The following PELP1 variants were observed in gnomAD, a reference collection of about 807,000 sequenced individuals.
The protein encoded by PELP1 is proline-, glutamic acid- and leucine-rich protein 1.
Under a neutral mutation model 95.5 loss-of-function variants are expected in PELP1, and 32 were observed. The ratio of observed to expected loss-of-function variants is 0.34; its 90% CI spans 0.25 to 0.45. The LOEUF is 0.45. PELP1 is among the 20% of genes least tolerant of loss of function. The pLI, the probability that PELP1 is intolerant of heterozygous loss-of-function variation, is 1.00. For synonymous variants in PELP1, 668 were observed against 600.1 expected, an observed-to-expected ratio of 1.11 and a Z score of -1.65; for missense variants, 1,358 against 1,444.8, an observed-to-expected ratio of 0.94 and a Z score of 0.97.
intron 3 of PELP1, among the ~76,000 whole-genome samples, chr17:4,683,420 C>CCG (rs1567664348): frequency 1.3e-5 from 2 of 151,488 alleles, no homozygotes; most frequent in African/African-American, 2.4e-5. Context: ...CGGGGTTTCA[C>CCG]TATGTTAGCC....
At chr17:4,689,649 G>A (rs1024343530) in intron 3 of PELP1, among the ~76,000 whole-genome samples, 8 of 152,140 alleles carry the variant, frequency 5.3e-5, no homozygotes, top group Non-Finnish European at 1.0e-4. Context: ...AGACCCTTGC[G>A]CACAATATTT....
In PELP1 at chr17:4,672,196, T is replaced by C. The variant is rs1912238157; in HGVS notation, c.2795A>G (p.Glu932Gly). The change falls in exon 16 of 17, where the codon GAG becomes GGG. Residue 932 changes from glutamate (E) to glycine (G), a missense_variant. Transcript: ENST00000572293. ...ACCTTCTTCTTCCTCAAATTCTTCC[T>C]CAAACTCTTCTTCCTCCTCTTCTTC... ...EEEEEEEEEF[E>G]EEFEEEEGEL... 16 of 1,552,468 alleles carry C rather than the reference T, an allele frequency of 1.0e-5. No individual in the cohort carries two copies. The East Asian group carries it at 3.9e-4, about 38-fold the overall frequency.
In PELP1 at chr17:4,703,960, G is replaced by A. The variant is rs1003871792; in HGVS notation, c.152C>T (p.Ser51Phe). Residue 51 changes from serine (S) to phenylalanine (F), a missense_variant, in exon 1 of 17, where the codon TCT (serine) becomes TTT (phenylalanine). Coordinates refer to ENST00000572293, the MANE Select transcript of PELP1 (RefSeq NM_014389.3). ...VSGLLQPRTGSAVAPVHPPNR... is the reference protein window; with the variant it reads ...VSGLLQPRTGFAVAPVHPPNR... The stretch of plus-strand genomic sequence containing the variant: ...TGGGGGATGCACCGGAGCAACGGCA[G>A]ACCCCGTTCGAGGTTGCAGCAAACC... 1.9e-6 allele frequency: 3 copies of A among 1,613,632 alleles called. No individual in the cohort carries two copies. Among genetic ancestry groups the A allele is most frequent in the East Asian group, 2.2e-5 (1 of 44,876 alleles).
chr17:4,698,639 C>CAAAAA lies in PELP1; in HGVS notation c.249+5219_249+5223dup, dbSNP rs145606629. Among the ~76,000 whole-genome samples the CAAAAA allele has an allele frequency of 8.8e-4, 97 of 110,076 alleles. 3 individuals are homozygous for CAAAAA. The highest frequency in any genetic ancestry group is 3.1e-3 in the African/African-American group (85 of 27,640). The allele number at this position is 110,076 out of a possible 152,430, so 72.2% of individuals were successfully genotyped here. A position where few individuals can be genotyped will look rare whatever the true frequency, so the allele number is the denominator to read the frequency against. ...CCTAGGCAACAGACTGAGATTGTCT[C>CAAAAA]AAAAAAAAAAAAACAAGGCAAAACA... On this transcript the variant is annotated intron_variant, in intron 1 of 16. Transcript: ENST00000572293.
At position 4,675,856 on chromosome 17, in the gene PELP1, G is replaced by A; in HGVS notation, c.1009C>T (p.Pro337Ser). The A allele has an allele frequency of 6.3e-7, 1 of 1,591,826 alleles. No homozygotes were observed. Among genetic ancestry groups the A allele is most frequent in the Non-Finnish European group, 8.6e-7 (1 of 1,169,154 alleles). Residue 337 changes from proline (P) to serine (S), a missense_variant, in exon 9 of 17, where the codon CCT (proline) becomes TCT (serine). Physicochemically the swap from Pro to Ser is moderately conservative, Grantham distance 74. Transcript: ENST00000572293. This position sits in a 1 kb window ranked among gnomAD's most constrained non-coding sequence, Gnocchi z 4.3. ...ATGAAATCCAGGATTTCCTGCACAGGGACGGACACGGGAGCTCCAAACTCA... is the reference window on the plus strand; with the variant it reads ...ATGAAATCCAGGATTTCCTGCACAGAGACGGACACGGGAGCTCCAAACTCA... ...SSEFGAPVSVPVQEILDFICR... is the reference protein window; with the variant it reads ...SSEFGAPVSVSVQEILDFICR...
intron 1 of PELP1, among the ~76,000 whole-genome samples, chr17:4,694,364 A>C (rs972530913): frequency 1.3e-5 from 2 of 151,972 alleles, no homozygotes; most frequent in African/African-American, 4.8e-5. Context: ...TAAGTGAGTG[A>C]ACTGTGGCCG....
intron 7 of PELP1, 41 bp downstream of exon 7, chr17:4,676,316 T>G: frequency 6.3e-7 from 1 of 1,599,706 alleles, no homozygotes; most frequent in Middle Eastern, 1.7e-4. Context: ...CTGCCACGCT[T>G]CCTCACTATT....
At chr17:4,677,935 G>T (rs918086995) in intron 5 of PELP1, among the ~76,000 whole-genome samples, 3 of 151,386 alleles carry the variant, frequency 2.0e-5, no homozygotes, top group Admixed American at 6.6e-5. Flanking sequence ...AAAAAAAAAG[G>T]CCAGGCACGG....
At position 4,672,053 on chromosome 17, in the gene PELP1, G is replaced by A. The variant is rs1211028949; in HGVS notation, c.2938C>T (p.Pro980Ser). ...GEVEEGAPPP[P>S]TLPPALPPPE... ...GGAGGCAGAGCTGGAGGCAGGGTTGGGGGTGGAGGTGCACCTTCTTCTACC... is the reference window on the plus strand; with the variant it reads ...GGAGGCAGAGCTGGAGGCAGGGTTGAGGGTGGAGGTGCACCTTCTTCTACC... Residue 980 changes from proline to serine, a missense_variant, in exon 16 of 17, where the codon CCA (proline) becomes TCA (serine). Pro to Ser is a moderately conservative substitution (Grantham distance 74, BLOSUM62 -1). Transcript: ENST00000572293. 3 of 1,565,680 alleles carry A rather than the reference G, an allele frequency of 1.9e-6. No individual in the cohort carries two copies. The South Asian group carries it at 3.6e-5, about 19-fold the overall frequency.
rs755507936 is a variant in PELP1 at position 4,672,965 on chromosome 17, A to G, written c.2026T>C (p.Ser676Pro). ...GGCATGGGGCCTGCTGAGGGCATGG[A>G]GCCCACTGAGGGCATGGGGCCCGGA... ...HPPGPMPSVGSMPSAGPMPSA... is the reference protein window; with the variant it reads ...HPPGPMPSVGPMPSAGPMPSA... The change falls in exon 16 of 17, where the codon TCC (serine) becomes CCC (proline). Residue 676 changes from serine to proline, a missense_variant. Around this residue, in one of 7 missense-constraint regions of PELP1, gnomAD observed 340 missense variants for 322.9 expected, o/e 1.05. Coordinates refer to ENST00000572293, the MANE Select transcript of PELP1 (RefSeq NM_014389.3). The G allele has an allele frequency of 1.1e-5, 18 of 1,580,328 alleles. No homozygotes were observed. Among genetic ancestry groups the G allele is most frequent in the Admixed American group, 3.5e-5 (2 of 57,318 alleles).
intron 5 of PELP1, among the ~76,000 whole-genome samples, chr17:4,678,239 T>C (rs911259790): frequency 6.6e-6 from 1 of 151,446 alleles, no homozygotes; most frequent in Non-Finnish European, 1.5e-5. Context: ...TTAGTAAGGA[T>C]AACAAGACAA....
chr17:4,692,412 A>G (rs71368513), intron 1 of PELP1, among the ~76,000 whole-genome samples: 52 of 151,836 alleles, frequency 3.4e-4, no homozygotes, highest in Non-Finnish European at 6.8e-4. Flanking sequence ...GTTTGCAGTG[A>G]GCCGAGATCA....
chr17:4,698,959 A>G (rs1011594188), intron 1 of PELP1, among the ~76,000 whole-genome samples: 2 of 152,216 alleles, frequency 1.3e-5, no homozygotes, highest in African/African-American at 4.8e-5. Context: ...CAGAAAAAAT[A>G]TCTGAAAGAA....
chr17:4,699,964 G>A (rs988363360), intron 1 of PELP1, among the ~76,000 whole-genome samples: 20 of 147,186 alleles, frequency 1.4e-4, no homozygotes, highest in Admixed American at 3.5e-4. Context: ...GTGCAGAGGC[G>A]CGATCTCGGC....
At position 4,676,787 on chromosome 17, in the gene PELP1, G is replaced by C. The variant is rs369606312; in HGVS notation, c.668C>G (p.Ser223Cys). ...LKGKLASFFL[S>C]RVDALSPQLQ... ...CTGAGGGCTCAAGGCATCCACCCTA[G>C]ACAGAAAAAATGAGGCCAGCTTGCC... The change falls in exon 6 of 17, where the codon TCT becomes TGT. Residue 223 changes from serine (S) to cysteine (C), a missense_variant. Ser to Cys is a moderately radical substitution (Grantham distance 112). This residue lies in a region of PELP1 where 538 missense variants were observed against 628.1 expected (regional missense o/e 0.86). Coordinates refer to ENST00000572293, the MANE Select transcript of PELP1 (RefSeq NM_014389.3). The C allele has an allele frequency of 1.4e-5, 22 of 1,570,562 alleles. No individual in the cohort carries two copies. The Admixed American group carries it at 1.5e-4, about 11-fold the overall frequency.
In PELP1 at chr17:4,675,129, G is replaced by C. The variant is rs1047893967; in HGVS notation, c.1224C>G (p.Ser408=). ...IGRLLPQVLN[S]WSIGRDSLSP... is the part of the protein sequence containing the mutation. Reference sequence around the variant, plus strand: ...AGAGGGAATCTCTACCGATGCTCCAGGAATTGAGGACCTGGGGAAGCAGGC... The same window carrying C: ...AGAGGGAATCTCTACCGATGCTCCACGAATTGAGGACCTGGGGAAGCAGGC... The change falls in exon 11 of 17, where the codon TCC becomes TCG. Residue 408 remains serine, a synonymous_variant. Coordinates refer to ENST00000572293, the MANE Select transcript of PELP1 (RefSeq NM_014389.3). This position sits in a 1 kb window ranked among gnomAD's most constrained non-coding sequence, Gnocchi z 4.3. 1 of 1,613,920 alleles carries C rather than the reference G, an allele frequency of 6.2e-7. No homozygotes were observed. Among genetic ancestry groups the C allele is most frequent in the Admixed American group, 1.7e-5 (1 of 60,012 alleles).
rs1337155237 is a variant in PELP1 at position 4,675,246 on chromosome 17, TCAC to T, written c.1157+25_1157+27del. 1 of 1,594,352 alleles carries T rather than the reference TCAC, an allele frequency of 6.3e-7. No homozygotes were observed. Among genetic ancestry groups the T allele is most frequent in the Admixed American group, 1.8e-5 (1 of 56,304 alleles). On this transcript the variant is annotated intron_variant, in intron 10 of 16. Coordinates refer to ENST00000572293, the MANE Select transcript of PELP1 (RefSeq NM_014389.3). The surrounding 1 kb of genome is among the most constrained non-coding windows in gnomAD (Gnocchi z 4.3). Reference sequence around the variant, plus strand: ...CTCGTTTCTGGCACGCCCTATCCCTTCACCACAGCCAGCCCAATCCCACTCACG... The same window carrying T: ...CTCGTTTCTGGCACGCCCTATCCCTTCACAGCCAGCCCAATCCCACTCACG...
At chr17:4,692,631 C>G (rs535752911) in intron 1 of PELP1, among the ~76,000 whole-genome samples, 8 of 151,966 alleles carry the variant, frequency 5.3e-5, no homozygotes, top group African/African-American at 1.7e-4. Flanking sequence ...AAAAATAAAG[C>G]AGAGTAAGGA....
rs1597446684 is a variant in PELP1, at chr17:4,674,578, A to G, written c.1514T>C (p.Met505Thr). The change falls in exon 13 of 17, where the codon ATG becomes ACG. Residue 505 changes from methionine to threonine, a missense_variant. Coordinates refer to ENST00000572293, the MANE Select transcript of PELP1 (RefSeq NM_014389.3). ...KKLKLDVGEA[M>T]APPSHRKGDS... ...CCCTTTCCGGTGGCTTGGCGGGGCC[A>G]TAGCTTCCCCCACATCCAGCTTTAG... 1.2e-6 allele frequency: 2 copies of G among 1,611,810 alleles called. No homozygotes were observed. The highest frequency in any genetic ancestry group is 1.7e-6 in the Non-Finnish European group (2 of 1,179,232).
Sources: allele counts gnomAD v4.1 joint callset (sites outside exome capture counted in the v4.1 genomes callset), GRCh38; gene constraint gnomAD v4.1.1; regional missense constraint gnomAD v4.1.1; non-coding constraint Gnocchi (gnomAD v3.1); transcripts MANE v1.5; gene names NCBI Gene and HGNC (gene_info 2026-07-23, HGNC 2026-07-21).